KLF8: variants seen among roughly 807,000 people sequenced by gnomAD.
KLF8 encodes the protein KLF transcription factor 8, also known as Krueppel-like factor 8.
Under a neutral mutation model 18.2 loss-of-function variants are expected in KLF8, and 10 were observed. The observed-to-expected ratio is 0.55, with a 90% CI of 0.34 to 0.93. KLF8 has a LOEUF of 0.93. KLF8 is among the 40% of genes least tolerant of loss of function. KLF8 has a pLI of 0.02. For synonymous variants in KLF8, 109 were observed against 97.3 expected (o/e 1.12, Z -0.71); for missense variants, 264 against 277.9 (o/e 0.95, Z 0.36).
the KLF8 span, among the ~76,000 whole-genome samples, chrX:56,224,981 G>A: frequency 3.6e-5 from 4 of 110,671 alleles, no homozygotes; most frequent in Non-Finnish European, 5.7e-5. Context: ...GGGTGAACTC[G>A]TTCCCTGAAG....
the KLF8 span, among the ~76,000 whole-genome samples, chrX:55,943,693 C>T: frequency 1.8e-5 from 2 of 112,033 alleles, no homozygotes; most frequent in Non-Finnish European, 3.8e-5. Context: ...TGGAGGAAAG[C>T]CAATGGCTTA....
chrX:56,181,787 G>T, the KLF8 span, among the ~76,000 whole-genome samples: 15 of 100,974 alleles, frequency 1.5e-4, no homozygotes, highest in Non-Finnish European at 2.6e-4. Flanking sequence ...GTTGAATATT[G>T]CTCCCCCCCC....
intron 2 of KLF8, among the ~76,000 whole-genome samples, chrX:56,257,800 A>T (rs780669648): frequency 2.9e-4 from 33 of 112,747 alleles, no homozygotes; most frequent in South Asian, 1.1e-3. Flanking sequence ...TGCTATTGTG[A>T]ATAATGCTGT....
At chrX:56,030,361 G>A in the KLF8 span, among the ~76,000 whole-genome samples, 1 of 111,548 alleles carries the variant, frequency 9.0e-6, no homozygotes, top group Non-Finnish European at 1.9e-5. Context: ...GCTGCCTGGA[G>A]CACCCTTCGC....
chrX:56,067,147 G>T, the KLF8 span, among the ~76,000 whole-genome samples: 1 of 105,524 alleles, frequency 9.5e-6, no homozygotes, highest in African/African-American at 3.4e-5. Flanking sequence ...TCACTAATTT[G>T]GTTTTGTGTG....
rs757894188 is a variant in KLF8 at position 56,286,619 on chromosome X, G to A, written c.*2125G>A. ...CATTGCCGTATAACATTAGGCACAC[G>A]CTTCTAACACTTCTATAATATCTAG... On this transcript the variant is annotated 3_prime_UTR_variant, in exon 6 of 6. Coordinates refer to ENST00000468660, the MANE Select transcript of KLF8 (RefSeq NM_007250.5). 5 of 112,369 alleles carry A rather than the reference G, an allele frequency of 4.4e-5. No homozygotes were observed. The East Asian group carries it at 8.4e-4, about 19-fold the overall frequency. 9.3% of individuals were successfully genotyped at this position (112,369 alleles called of 1,213,427 possible).
At chrX:56,168,321 A>G in the KLF8 span, among the ~76,000 whole-genome samples, 1 of 111,335 alleles carries the variant, frequency 9.0e-6, no homozygotes, top group African/African-American at 3.3e-5. Context: ...TATCAAAAAG[A>G]AAAAAACTTA....
At chrX:56,100,871 C>T in the KLF8 span, among the ~76,000 whole-genome samples, 1 of 112,256 alleles carries the variant, frequency 8.9e-6, no homozygotes, top group Non-Finnish European at 1.9e-5. Context: ...ATATAAGTCA[C>T]ATATCATAAA....
At chrX:56,200,300 T>TA in the KLF8 span, among the ~76,000 whole-genome samples, 1 of 109,503 alleles carries the variant, frequency 9.1e-6, no homozygotes, top group East Asian at 2.8e-4. Context: ...ACTTAAGAAT[T>TA]AAAAAAAGGT....
the KLF8 span, among the ~76,000 whole-genome samples, chrX:56,053,270 G>A: frequency 9.0e-6 from 1 of 111,679 alleles, no homozygotes; most frequent in South Asian, 3.8e-4. Context: ...TGCTATCTTG[G>A]CTCCTCCCCC....
chrX:56,130,724 AAAAATGAAGTCCAAACTTT>A, the KLF8 span, among the ~76,000 whole-genome samples: 4 of 112,221 alleles, frequency 3.6e-5, no homozygotes, highest in Non-Finnish European at 7.5e-5. Context: ...AGCACCAGAG[AAAAATGAAGTCCAAACTTT>A]AAAATTTTTT....
the KLF8 span, among the ~76,000 whole-genome samples, chrX:55,951,391 G>A: frequency 9.4e-6 from 1 of 106,734 alleles, no homozygotes; most frequent in Non-Finnish European, 1.9e-5. Context: ...CAGGAGAATC[G>A]CTTCAACCCG....
At chrX:56,181,308 T>C in the KLF8 span, among the ~76,000 whole-genome samples, 1 of 111,442 alleles carries the variant, frequency 9.0e-6, no homozygotes, top group African/African-American at 3.3e-5. Context: ...TTGTTTTCCA[T>C]TTTCTTGGTA....
At chrX:56,243,799 G>GCTATC in intron 1 of KLF8, among the ~76,000 whole-genome samples, 1 of 110,371 alleles carries the variant, frequency 9.1e-6, no homozygotes, top group Admixed American at 9.7e-5. Context: ...CTCCAAAAGT[G>GCTATC]CTAGGATAAC....
chrX:56,137,893 A>G, the KLF8 span, among the ~76,000 whole-genome samples: 1 of 109,581 alleles, frequency 9.1e-6, no homozygotes, highest in Non-Finnish European at 1.9e-5. Flanking sequence ...AAAAAACCAT[A>G]CAGAAGATCA....
the KLF8 span, among the ~76,000 whole-genome samples, chrX:56,100,476 A>G: frequency 1.5e-3 from 168 of 111,964 alleles, no homozygotes; most frequent in African/African-American, 5.2e-3. Context: ...ATTTTGTAAG[A>G]CAGCAGTTGC....
the KLF8 span, among the ~76,000 whole-genome samples, chrX:56,024,728 T>A: frequency 4.9e-4 from 55 of 111,808 alleles, no homozygotes; most frequent in Non-Finnish European, 9.0e-4. Context: ...CACAATGTCC[T>A]TCCATACAAT....
chrX:56,154,406 G>A, the KLF8 span, among the ~76,000 whole-genome samples: 11 of 111,815 alleles, frequency 9.8e-5, no homozygotes, highest in Non-Finnish European at 1.9e-5. Flanking sequence ...GCCATATGTA[G>A]AAAGCTGAAA....
chrX:55,913,666 C>T, the KLF8 span, among the ~76,000 whole-genome samples: 1 of 111,691 alleles, frequency 9.0e-6, no homozygotes, highest in Admixed American at 9.5e-5. Context: ...AACTGTGGGA[C>T]AATAAATTTC....
Sources: gnomAD v4.1 joint callset for allele counts (sites outside exome capture counted in the v4.1 genomes callset) on GRCh38, gnomAD v4.1.1 for gene constraint, MANE v1.5 for transcripts, NCBI Gene and HGNC (gene_info 2026-07-23, HGNC 2026-07-21) for gene names.